The following ROR1 variants were observed in gnomAD, a reference collection of about 807,000 sequenced individuals.
The protein encoded by ROR1 is ROR family WNT receptor 1.
A neutral mutation model predicts 78.8 loss-of-function variants in ROR1; 19 were observed. The ratio of observed to expected loss-of-function variants is 0.24; its 90% CI spans 0.17 to 0.35. ROR1 has a LOEUF of 0.35. Ranked by LOEUF, ROR1 falls within the 10% of genes least tolerant of loss-of-function variation. The pLI, the probability that ROR1 is intolerant of heterozygous loss-of-function variation, is 1.00. For missense variants in ROR1, 917 were observed against 1,177.8 expected, an observed-to-expected ratio of 0.78 and a Z score of 3.24; for synonymous variants, 386 against 433.6, an observed-to-expected ratio of 0.89 and a Z score of 1.36.
intron 1 of ROR1, among the ~76,000 whole-genome samples, chr1:63,966,829 A>AG (rs1646079045): frequency 1.3e-5 from 2 of 152,214 alleles, no homozygotes; most frequent in African/African-American, 4.8e-5. Context: ...AAAATGACCA[A>AG]GCATTGAACC....
At chr1:63,860,559 A>G (rs1645173151) in intron 1 of ROR1, among the ~76,000 whole-genome samples, 1 of 133,554 alleles carries the variant, frequency 7.5e-6, no homozygotes, top group South Asian at 2.6e-4. Context: ...TCTCTACTAA[A>G]AATACACACA....
At chr1:63,868,070 G>A (rs1027048157) in intron 1 of ROR1, among the ~76,000 whole-genome samples, 6 of 152,010 alleles carry the variant, frequency 3.9e-5, no homozygotes, top group South Asian at 2.1e-4. Flanking sequence ...AGGTCAGGAC[G>A]AATCAAGCAA....
At chr1:64,050,101 C>A in intron 3 of ROR1, 123 bp downstream of exon 3, 1 of 1,107,040 alleles carries the variant, frequency 9.0e-7, no homozygotes, top group Non-Finnish European at 1.3e-6. Context: ...GTGCCCACAA[C>A]CCTAAACCTG....
chr1:64,001,485 A>G (rs187873063), intron 1 of ROR1, among the ~76,000 whole-genome samples: 11 of 152,350 alleles, frequency 7.2e-5, no homozygotes, highest in Non-Finnish European at 1.2e-4. Context: ...ACATATTTTA[A>G]CAATGTCAAA....
chr1:63,975,192 G>A (rs939173665), intron 1 of ROR1, among the ~76,000 whole-genome samples: 1 of 152,150 alleles, frequency 6.6e-6, no homozygotes, highest in Admixed American at 6.5e-5. Context: ...CAAATGGCTG[G>A]CAGAAGGAAG....
At chr1:64,100,172 G>A (rs1647468121) in intron 4 of ROR1, among the ~76,000 whole-genome samples, 1 of 151,854 alleles carries the variant, frequency 6.6e-6, no homozygotes, top group East Asian at 1.9e-4. Context: ...TGACTTTATT[G>A]ATTTGGTATT....
At chr1:63,934,026 C>T (rs1320764678) in intron 1 of ROR1, among the ~76,000 whole-genome samples, 3 of 152,182 alleles carry the variant, frequency 2.0e-5, no homozygotes, top group African/African-American at 7.2e-5. Flanking sequence ...CTCCAGCTAG[C>T]TGCTGCTTTG....
At chr1:64,009,548 C>T (rs1646459225) in intron 2 of ROR1, among the ~76,000 whole-genome samples, 172 bp downstream of exon 2, 1 of 152,090 alleles carries the variant, frequency 6.6e-6, no homozygotes, top group Non-Finnish European at 1.5e-5. Flanking sequence ...ACTTGGGATT[C>T]TATTATTTCT....
At chr1:64,081,806 A>C (rs184656420) in intron 4 of ROR1, among the ~76,000 whole-genome samples, 33 of 151,320 alleles carry the variant, frequency 2.2e-4, no homozygotes, top group Admixed American at 6.6e-4. Flanking sequence ...AACACCCCCC[A>C]CACACATACA....
rs1448992704 is a variant in ROR1 at position 63,774,817 on chromosome 1, G to A, written c.91+309G>A. On this transcript the variant is annotated intron_variant, in intron 1 of 8. Transcript: ENST00000371079. The surrounding 1 kb of genome is among the most constrained non-coding windows in gnomAD (Gnocchi z 5.7). ...TTTGAGGGTCCTGGGGGTGATCGGG[G>A]CACTTCTGTGCAGGGCGTCCCCCCT... is the stretch of plus-strand genomic sequence containing the variant. Among the ~76,000 whole-genome samples, 1 of 152,038 alleles carries A rather than the reference G, an allele frequency of 6.6e-6. No homozygotes were observed. The highest frequency in any genetic ancestry group is 6.5e-5 in the Admixed American group (1 of 15,290).
intron 1 of ROR1, among the ~76,000 whole-genome samples, chr1:63,840,688 C>T (rs565985361): frequency 5.9e-5 from 9 of 152,088 alleles, no homozygotes; most frequent in African/African-American, 1.9e-4. Flanking sequence ...CTTTTGTCTT[C>T]AACATATAAG....
intron 4 of ROR1, among the ~76,000 whole-genome samples, chr1:64,085,962 GA>G (rs1275195478): frequency 6.6e-6 from 1 of 152,150 alleles, no homozygotes; most frequent in Non-Finnish European, 1.5e-5. Flanking sequence ...ATCATGGCGG[GA>G]AAGAAAAACA....
intron 1 of ROR1, among the ~76,000 whole-genome samples, chr1:64,008,059 C>T (rs1646443830): frequency 6.6e-6 from 1 of 150,512 alleles, no homozygotes; most frequent in Non-Finnish European, 1.5e-5. Context: ...GTTTGGGCTT[C>T]CATTGATCCC....
At chr1:63,901,574 G>A (rs1437414960) in intron 1 of ROR1, among the ~76,000 whole-genome samples, 2 of 148,020 alleles carry the variant, frequency 1.4e-5, no homozygotes, top group Non-Finnish European at 3.0e-5. Context: ...CTAAATCAGT[G>A]AACAGAATTT....
At chr1:63,914,042 A>G (rs1175400255) in intron 1 of ROR1, among the ~76,000 whole-genome samples, 1 of 151,742 alleles carries the variant, frequency 6.6e-6, no homozygotes, top group East Asian at 2.0e-4. Context: ...TTAGGTGTAT[A>G]AAAGAGATGG....
intron 4 of ROR1, among the ~76,000 whole-genome samples, chr1:64,052,948 C>G (rs1160346670): frequency 6.6e-6 from 1 of 152,102 alleles, no homozygotes; most frequent in South Asian, 2.1e-4. Flanking sequence ...CTGAGACTAA[C>G]TCCCAGAAAG....
chr1:63,823,883 G>T (rs1644938551), intron 1 of ROR1, among the ~76,000 whole-genome samples: 1 of 151,858 alleles, frequency 6.6e-6, no homozygotes, highest in Non-Finnish European at 1.5e-5. Flanking sequence ...TAGTAGCTGA[G>T]ATTACAGGCA....
intron 1 of ROR1, among the ~76,000 whole-genome samples, chr1:63,800,219 G>A (rs1644787240): frequency 6.6e-6 from 1 of 152,174 alleles, no homozygotes; most frequent in African/African-American, 2.4e-5. Context: ...AATGAAGAGT[G>A]TTAATTCCTT....
intron 1 of ROR1, among the ~76,000 whole-genome samples, chr1:63,901,261 C>T (rs924672222): frequency 1.3e-5 from 2 of 152,164 alleles, no homozygotes; most frequent in African/African-American, 2.4e-5. Context: ...GAAGGTTCTA[C>T]GGCCAGCAGA....
Sources: allele counts gnomAD v4.1 joint callset (sites outside exome capture counted in the v4.1 genomes callset), GRCh38; gene constraint gnomAD v4.1.1; non-coding constraint Gnocchi (gnomAD v3.1); transcripts MANE v1.5; gene names NCBI Gene and HGNC (gene_info 2026-07-23, HGNC 2026-07-21).